MTNR1B: variants seen among roughly 807,000 people sequenced by gnomAD.
MTNR1B encodes the protein melatonin receptor type 1B.
Under a neutral mutation model 7.0 loss-of-function variants are expected in MTNR1B, and 7 were observed. The observed-to-expected ratio is 1.00, with a 90% CI of 0.57 to 1.88. The LOEUF (loss-of-function observed/expected upper bound fraction) is 1.88. Ranked by LOEUF, MTNR1B falls within the 40% of genes most tolerant of loss-of-function variation. The pLI, the probability that MTNR1B is intolerant of heterozygous loss-of-function variation, is 0.00. For synonymous variants in MTNR1B, 226 were observed against 208.2 expected, an observed-to-expected ratio of 1.09 and a Z score of -0.74; for missense variants, 478 against 486.5, an observed-to-expected ratio of 0.98 and a Z score of 0.16.
At chr11:92,970,255 C>A (rs576652362) in intron 1 of MTNR1B, among the ~76,000 whole-genome samples, 110 of 152,328 alleles carry the variant, frequency 7.2e-4, no homozygotes, top group South Asian at 3.3e-3. Flanking sequence ...GCTACCCCGT[C>A]GCGCTCCAAT....
intron 1 of MTNR1B, among the ~76,000 whole-genome samples, chr11:92,979,272 AG>A (rs1858059499): frequency 1.3e-5 from 2 of 152,200 alleles, no homozygotes; most frequent in African/African-American, 4.8e-5. Context: ...GCTGAAGACA[AG>A]CAATGTGAGA....
Position 92,969,730 on chromosome 11 carries a change from C to G in MTNR1B, c.5C>G (p.Ser2Ter). 6.8e-7 allele frequency: 1 copy of G among 1,478,490 alleles called. No homozygotes were observed. Among genetic ancestry groups the G allele is most frequent in the Non-Finnish European group, 9.0e-7 (1 of 1,114,406 alleles). 91.6% of individuals were successfully genotyped at this position (1,478,490 alleles called of 1,614,324 possible). The change falls in exon 1 of 2, where the codon TCA (serine) becomes TGA (stop). Residue 2 changes from serine to a stop codon, truncating the protein, a stop_gained. Transcript: ENST00000257068. LOFTEE classifies it high-confidence loss of function. ...CACAGCGCGGGAGAGTCTGCGATGTCAGAGAACGGCTCCTTCGCCAACTGC... is the reference window on the plus strand; with the variant it reads ...CACAGCGCGGGAGAGTCTGCGATGTGAGAGAACGGCTCCTTCGCCAACTGC... The part of the protein sequence containing the change: M[S>*]ENGSFANCCE...
At position 92,981,810 on chromosome 11, in the gene MTNR1B, C is replaced by T; in HGVS notation, c.587C>T (p.Ala196Val). 1.9e-6 allele frequency: 3 copies of T among 1,614,214 alleles called. No homozygotes were observed. Among genetic ancestry groups the T allele is most frequent in the Non-Finnish European group, 2.5e-6 (3 of 1,180,046 alleles). The change falls in exon 2 of 2, where the codon GCC becomes GTC. Residue 196 changes from alanine (A) to valine (V), a missense_variant. Coordinates refer to ENST00000257068, the MANE Select transcript of MTNR1B (RefSeq NM_005959.5). ...RIYSCTFIQT[A>V]STQYTAAVVV... ...TATTCCTGCACCTTCATCCAGACCGCCAGCACCCAGTACACGGCGGCAGTG... is the reference window on the plus strand; with the variant it reads ...TATTCCTGCACCTTCATCCAGACCGTCAGCACCCAGTACACGGCGGCAGTG...
At chr11:92,971,309 GT>G (rs2136508565) in intron 1 of MTNR1B, among the ~76,000 whole-genome samples, 1 of 152,206 alleles carries the variant, frequency 6.6e-6, no homozygotes, top group Admixed American at 6.5e-5. Flanking sequence ...TCCTCCAACT[GT>G]GAGTATCCAG....
At chr11:92,984,118 C>G (rs1858162125), downstream of MTNR1B, among the ~76,000 whole-genome samples, 1 of 152,110 alleles carries the variant, frequency 6.6e-6, no homozygotes, top group Non-Finnish European at 1.5e-5. Context: ...CTCAGCCACC[C>G]AGCGGCTTTC....
At chr11:92,969,969 T>C in intron 1 of MTNR1B, 21 bp downstream of exon 1, 1 of 1,591,044 alleles carries the variant, frequency 6.3e-7, no homozygotes, top group Non-Finnish European at 8.6e-7. Context: ...TTCCTGATGC[T>C]GGGTGCTGGC....
chr11:92,979,609 C>T (rs112897766), intron 1 of MTNR1B, among the ~76,000 whole-genome samples: 105 of 152,292 alleles, frequency 6.9e-4, no homozygotes, highest in African/African-American at 2.3e-3. Flanking sequence ...ACCTCACAAG[C>T]GCTCTAATTG....
At chr11:92,972,462 G>T (rs1382548751) in intron 1 of MTNR1B, 1 of 455,708 alleles carries the variant, frequency 2.2e-6, no homozygotes, top group Non-Finnish European at 4.4e-6. Context: ...TTTTTTCAGG[G>T]ATATCCTATC....
chr11:92,979,284 G>C (rs918462478), intron 1 of MTNR1B, among the ~76,000 whole-genome samples: 6 of 152,214 alleles, frequency 3.9e-5, no homozygotes, highest in Admixed American at 1.3e-4. Context: ...CAATGTGAGA[G>C]AGGGAATCCC....
intron 1 of MTNR1B, chr11:92,972,476 A>G: frequency 2.2e-6 from 1 of 455,888 alleles, no homozygotes; most frequent in Non-Finnish European, 4.4e-6. Context: ...TCCTATCTGT[A>G]GTGTCTGTTG....
In MTNR1B at chr11:92,982,368, T is replaced by A. The variant is rs1195059619; in HGVS notation, c.*56T>A. 1.3e-6 allele frequency: 2 copies of A among 1,561,858 alleles called. No homozygotes were observed. Among genetic ancestry groups the A allele is most frequent in the Admixed American group, 1.9e-5 (1 of 53,410 alleles). ...AAACTCATGAAATGGTGGGAGAGAG[T>A]CTGCTGCAAGGGTGAGACCAGGCAG... On this transcript the variant is annotated 3_prime_UTR_variant, in exon 2 of 2. Coordinates refer to ENST00000257068, the MANE Select transcript of MTNR1B (RefSeq NM_005959.5).
rs563533191 is a variant in MTNR1B, at chr11:92,974,763, C to G, written c.223+4815C>G. Among the ~76,000 whole-genome samples the G allele has an allele frequency of 1.6e-4, 25 of 152,252 alleles. No homozygotes were observed. In the South Asian group the frequency reaches 5.2e-3, roughly 32 times the overall value. On this transcript the variant is annotated intron_variant, in intron 1 of 1. Transcript: ENST00000257068. ...GACTACAGGCGACCGCCACCTCGCC[C>G]GGCTAATTTTTTGTATTTTTAGTAG...
At chr11:92,984,942 AAC>A, downstream of MTNR1B, 1 of 456,140 alleles carries the variant, frequency 2.2e-6, no homozygotes, top group Non-Finnish European at 4.4e-6. Context: ...CTTTTGCGGA[AAC>A]AGCAAAATTT....
intron 1 of MTNR1B, 93 bp from the exon 2 acceptor site, chr11:92,981,354 C>A: frequency 6.6e-7 from 1 of 1,509,016 alleles, no homozygotes; most frequent in South Asian, 1.3e-5. Flanking sequence ...TTTCCACTCA[C>A]ATTGCCAAAA....
intron 1 of MTNR1B, among the ~76,000 whole-genome samples, chr11:92,976,062 T>C (rs938969207): frequency 6.6e-6 from 1 of 152,254 alleles, no homozygotes; most frequent in Non-Finnish European, 1.5e-5. Context: ...TTTAGCTGAA[T>C]AATCAGGAAA....
In MTNR1B at chr11:92,982,101, G is replaced by A. The variant is rs757787038; in HGVS notation, c.878G>A (p.Ser293Asn). 6.2e-7 allele frequency: 1 copy of A among 1,614,224 alleles called. No homozygotes were observed. The highest frequency in any genetic ancestry group is 8.5e-7 in the Non-Finnish European group (1 of 1,180,050). The change falls in exon 2 of 2, where the codon AGC (serine) becomes AAC (asparagine). Residue 293 changes from serine to asparagine, a missense_variant. Coordinates refer to ENST00000257068, the MANE Select transcript of MTNR1B (RefSeq NM_005959.5). ...ATCCCTGAGGGGCTATTTGTCACTA[G>A]CTACTTACTGGCTTATTTCAACAGC... is the stretch of plus-strand genomic sequence containing the variant. The part of the protein sequence containing the change: ...PQIPEGLFVT[S>N]YLLAYFNSCL...
intron 1 of MTNR1B, among the ~76,000 whole-genome samples, chr11:92,971,123 G>A (rs973155306): frequency 2.0e-5 from 3 of 151,782 alleles, no homozygotes; most frequent in Non-Finnish European, 4.4e-5. Flanking sequence ...CTACACCCAG[G>A]TAATTTTTTA....
At position 92,982,460 on chromosome 11, in the gene MTNR1B, A is replaced by G; in HGVS notation, c.*148A>G. Reference sequence around the variant, plus strand: ...GCTGGGGGAACTTCATGCTGGGACAAGCAGCCCATCAACGCCATGGGTTCA... The same window carrying G: ...GCTGGGGGAACTTCATGCTGGGACAGGCAGCCCATCAACGCCATGGGTTCA... On this transcript the variant is annotated 3_prime_UTR_variant, in exon 2 of 2. Coordinates refer to ENST00000257068, the MANE Select transcript of MTNR1B (RefSeq NM_005959.5). 1.0e-6 allele frequency: 1 copy of G among 980,458 alleles called. No homozygotes were observed. The highest frequency in any genetic ancestry group is 1.5e-6 in the Non-Finnish European group (1 of 682,720). 60.7% of individuals were successfully genotyped at this position (980,458 alleles called of 1,614,324 possible). A position where few individuals can be genotyped will look rare whatever the true frequency, so the allele number is the denominator to read the frequency against.
At chr11:92,970,146 C>T (rs111696377) in intron 1 of MTNR1B, among the ~76,000 whole-genome samples, 198 bp downstream of exon 1, 1,640 of 152,322 alleles carry the variant, frequency 0.011, 15 homozygotes, top group African/African-American at 0.037. Flanking sequence ...TGCGGCTGCC[C>T]AGGACGCGCT....
Sources: allele counts gnomAD v4.1 joint callset (sites outside exome capture counted in the v4.1 genomes callset), GRCh38; gene constraint gnomAD v4.1.1; transcripts MANE v1.5; gene names NCBI Gene and HGNC (gene_info 2026-07-23, HGNC 2026-07-21).